The following SYNJ1 variants were observed in gnomAD, a reference collection of about 807,000 sequenced individuals.
SYNJ1 encodes polyphosphatidylinositol phosphatase SYNJ1.
A neutral mutation model predicts 168.2 loss-of-function variants in SYNJ1; 78 were observed. The observed-to-expected ratio is 0.46, with a 90% CI of 0.39 to 0.56. The LOEUF is 0.56. Ranked by LOEUF, SYNJ1 falls within the 20% of genes least tolerant of loss-of-function variation. SYNJ1 has a pLI of 0.00. For synonymous variants in SYNJ1, 539 were observed against 548.6 expected, an observed-to-expected ratio of 0.98 and a Z score of 0.24; for missense variants, 1,303 against 1,597.6, an observed-to-expected ratio of 0.82 and a Z score of 3.14.
chr21:32,645,581 C>A, intron 25 of SYNJ1, 65 bp downstream of exon 25: 2 of 1,439,968 alleles, frequency 1.4e-6, no homozygotes, highest in Non-Finnish European at 1.8e-6. Context: ...GGAAAACATG[C>A]AAAACATTTT....
chr21:32,661,217 G>A (rs970254262), intron 18 of SYNJ1, among the ~76,000 whole-genome samples: 5 of 152,132 alleles, frequency 3.3e-5, no homozygotes, highest in Non-Finnish European at 7.4e-5. Flanking sequence ...TTGTTAGGCC[G>A]GTACTTCTAC....
At chr21:32,633,445 GA>G (rs938016099) in intron 32 of SYNJ1, among the ~76,000 whole-genome samples, 5 of 151,818 alleles carry the variant, frequency 3.3e-5, no homozygotes, top group African/African-American at 9.7e-5. Flanking sequence ...TATTAATTTT[GA>G]AAAAAATGTA....
In SYNJ1 at chr21:32,664,361, AGAAGT is replaced by A. The variant is rs369759051; in HGVS notation, c.2304+547_2304+551del. On this transcript the variant is annotated intron_variant, in intron 18 of 32. Transcript: ENST00000674351. ...ATGCCCAATTTCTGCCTCCAAAGAAAGAAGTGAAAACTAAAAGGCAGAAATGGAAT... is the reference window on the plus strand; with the variant it reads ...ATGCCCAATTTCTGCCTCCAAAGAAAGAAAACTAAAAGGCAGAAATGGAAT... Among the ~76,000 whole-genome samples the A allele has an allele frequency of 2.5e-3, 375 of 152,358 alleles. 1 individual carries two copies. Among genetic ancestry groups the A allele is most frequent in the Non-Finnish European group, 1.7e-3 (115 of 68,042 alleles).
chr21:32,717,201 C>T (rs538421582), intron 2 of SYNJ1, among the ~76,000 whole-genome samples: 6 of 152,270 alleles, frequency 3.9e-5, no homozygotes, highest in South Asian at 2.1e-4. Context: ...TCAGGTGATC[C>T]GCCCACCTCG....
At chr21:32,704,942 G>A (rs774565079) in intron 2 of SYNJ1, among the ~76,000 whole-genome samples, 1 of 152,130 alleles carries the variant, frequency 6.6e-6, no homozygotes, top group Admixed American at 6.6e-5. Flanking sequence ...GAGGTCAAGA[G>A]ATTGAGACCA....
At chr21:32,653,474 G>T (rs2040348894) in intron 21 of SYNJ1, 108 bp from the exon 22 acceptor site, 7 of 871,100 alleles carry the variant, frequency 8.0e-6, no homozygotes, top group Non-Finnish European at 1.3e-5. Flanking sequence ...AGGCCAGGAA[G>T]TAAAAAGTAA....
chr21:32,662,661 G>C (rs2040761906), intron 18 of SYNJ1, among the ~76,000 whole-genome samples: 1 of 152,094 alleles, frequency 6.6e-6, no homozygotes, highest in South Asian at 2.1e-4. Context: ...GTTAGGAAGG[G>C]GTGTGGCTTT....
In SYNJ1 at chr21:32,656,688, TTA is replaced by T; in HGVS notation, c.2792_2793del (p.Ile931LysfsTer6). On this transcript the variant is annotated frameshift_variant and splice_region_variant, in exon 21 of 33. Transcript: ENST00000674351. LOFTEE classifies it high-confidence loss of function. ...QFASFGEVIL[I>X]RFVEDKMWVT... ...ACTTTTGCATAATAAACATCTTACC[TTA>T]TAAGTATAACTTCACCAAAACTTGC... 1 of 1,611,186 alleles carries T rather than the reference TTA, an allele frequency of 6.2e-7. No homozygotes were observed. Among genetic ancestry groups the T allele is most frequent in the Non-Finnish European group, 8.5e-7 (1 of 1,178,338 alleles).
rs763090745 is a variant in SYNJ1, at chr21:32,695,165, C to T, written c.597G>A (p.Ala199=). The T allele has an allele frequency of 3.8e-5, 62 of 1,613,982 alleles. No individual in the cohort carries two copies. The highest frequency in any genetic ancestry group is 5.0e-5 in the Non-Finnish European group (59 of 1,180,012). Residue 199 remains alanine (A), a synonymous_variant, in exon 5 of 33, where the codon GCG becomes GCA. Coordinates refer to ENST00000674351, the MANE Select transcript of SYNJ1 (RefSeq NM_203446.3). The part of the protein sequence containing the change: ...IRTIYAAHKQ[A]KACLISRLSC... ...TTAATCTTGAAATGAGGCAAGCCTTCGCCTGTTTATGAGCAGCATAAATTG... is the reference window on the plus strand; with the variant it reads ...TTAATCTTGAAATGAGGCAAGCCTTTGCCTGTTTATGAGCAGCATAAATTG...
intron 29 of SYNJ1, among the ~76,000 whole-genome samples, chr21:32,640,919 T>C (rs547212087): frequency 2.0e-5 from 3 of 152,370 alleles, no homozygotes; most frequent in African/African-American, 7.2e-5. Flanking sequence ...CCTGACTTTC[T>C]TTTCCTATAC....
rs1191371664 is a variant in SYNJ1, at chr21:32,629,488, G to C, written c.*2317C>G. 3.9e-5 allele frequency: 6 copies of C among 152,568 alleles called. No individual in the cohort carries two copies. Among genetic ancestry groups the C allele is most frequent in the Non-Finnish European group, 8.8e-5 (6 of 68,026 alleles). The allele number at this position is 152,568 out of a possible 1,614,324, so 9.5% of individuals were successfully genotyped here. A position where few individuals can be genotyped will look rare whatever the true frequency, so the allele number is the denominator to read the frequency against. On this transcript the variant is annotated 3_prime_UTR_variant, in exon 33 of 33. Coordinates refer to ENST00000674351, the MANE Select transcript of SYNJ1 (RefSeq NM_203446.3). ...TTAGAAAAATGCTTTTTTTCTAATA[G>C]ATTTGCTTTATAAGTGCAGTGCAGT...
At chr21:32,685,172 A>G (rs1404534412) in intron 9 of SYNJ1, among the ~76,000 whole-genome samples, 4 of 119,476 alleles carry the variant, frequency 3.3e-5, no homozygotes, top group East Asian at 2.4e-4. Context: ...ACAGAGCGAG[A>G]CTCCGTCTCA....
intron 21 of SYNJ1, 145 bp from the exon 22 acceptor site, chr21:32,653,511 G>T (rs1464700501): frequency 3.2e-6 from 2 of 619,440 alleles, no homozygotes; most frequent in African/African-American, 1.9e-5. Flanking sequence ...AGGGCTGGTG[G>T]TGACCTGGAG....
At position 32,656,774 on chromosome 21, in the gene SYNJ1, G is replaced by C. The variant is rs373328306; in HGVS notation, c.2708C>G (p.Ser903Cys). 1.9e-6 allele frequency: 3 copies of C among 1,613,976 alleles called. No individual in the cohort carries two copies. In the Admixed American group the frequency reaches 5.0e-5, roughly 27 times the overall value. The change falls in exon 21 of 33, where the codon TCT (serine) becomes TGT (cysteine). Residue 903 changes from serine to cysteine, a missense_variant. This residue lies in a region of SYNJ1 where 920 missense variants were observed against 1,208.8 expected (regional missense o/e 0.76). Coordinates refer to ENST00000674351, the MANE Select transcript of SYNJ1 (RefSeq NM_203446.3). ...ATCAAAAAAATTATTTTCTGGTAAA[G>C]AACTTTTGATTGAGACCAATACTGT... Reference protein sequence around the residue: ...DGTVLVSIKSSLPENNFFDDA... With the variant: ...DGTVLVSIKSCLPENNFFDDA...
intron 10 of SYNJ1, among the ~76,000 whole-genome samples, chr21:32,682,180 A>G (rs1338946643): frequency 6.6e-6 from 1 of 152,186 alleles, no homozygotes; most frequent in East Asian, 1.9e-4. Context: ...GGTAATATAT[A>G]TAAGGGAAGA....
In SYNJ1 at chr21:32,657,118, C is replaced by CTAA; in HGVS notation, c.2463_2464insTTA (p.Ala821_Glu822insLeu). On this transcript the variant is annotated inframe_insertion and splice_region_variant, in exon 20 of 33. Transcript: ENST00000674351. ...CTAGCATTTAGAAGATCTAGATCTT[C>CTAA]AGCTGCAGTCAGAAGAAATGAAAAC... is the stretch of plus-strand genomic sequence containing the variant. The CTAA allele has an allele frequency of 6.3e-7, 1 of 1,588,266 alleles. No homozygotes were observed. Among genetic ancestry groups the CTAA allele is most frequent in the Non-Finnish European group, 8.6e-7 (1 of 1,156,620 alleles).
At chr21:32,681,391 T>C (rs768805654) in intron 11 of SYNJ1, 105 bp downstream of exon 11, 6 of 1,279,572 alleles carry the variant, frequency 4.7e-6, no homozygotes, top group Non-Finnish European at 6.4e-6. Flanking sequence ...CTAAGACACA[T>C]CTATTAATTT....
intron 2 of SYNJ1, among the ~76,000 whole-genome samples, chr21:32,726,184 T>G (rs2043446850): frequency 6.6e-6 from 1 of 152,214 alleles, no homozygotes; most frequent in Non-Finnish European, 1.5e-5. Context: ...AATTTTAATT[T>G]CATCCATCTG....
At position 32,670,060 on chromosome 21, in the gene SYNJ1, T is replaced by TAATA. The variant is rs113338035; in HGVS notation, c.1811+227_1811+228insTATT. ...AAATTTTCATTTTTAATTCCTAATA[T>TAATA]AACAAAGATATAAACAACATTAGCA... On this transcript the variant is annotated intron_variant, in intron 15 of 32. Coordinates refer to ENST00000674351, the MANE Select transcript of SYNJ1 (RefSeq NM_203446.3). 7.9e-4 allele frequency among the ~76,000 whole-genome samples: 121 copies of TAATA among 152,340 alleles called. 1 individual carries two copies. The highest frequency in any genetic ancestry group is 2.8e-3 in the African/African-American group (116 of 41,584).
Sources: allele counts gnomAD v4.1 joint callset (sites outside exome capture counted in the v4.1 genomes callset), GRCh38; gene constraint gnomAD v4.1.1; regional missense constraint gnomAD v4.1.1; transcripts MANE v1.5; gene names NCBI Gene and HGNC (gene_info 2026-07-23, HGNC 2026-07-21).